Variants in BBS9 observed in about 807,000 individuals in gnomAD.
BBS9 encodes Bardet-Biedl syndrome 9, also known as protein PTHB1.
A neutral mutation model predicts 117.7 loss-of-function variants in BBS9; 89 were observed. The ratio of observed to expected loss-of-function variants is 0.76; its 90% confidence interval spans 0.64 to 0.90. The LOEUF (loss-of-function observed/expected upper bound fraction) is 0.90, where lower values mean the gene tolerates loss of function less well. BBS9 is among the 40% of genes least tolerant of loss of function. The pLI, the probability that BBS9 is intolerant of heterozygous loss-of-function variation, is 0.00. For synonymous variants in BBS9, 379 were observed against 370.9 expected, an observed-to-expected ratio of 1.02 and a Z score of -0.25; for missense variants, 982 against 1,042.2, an observed-to-expected ratio of 0.94 and a Z score of 0.80.
chr7:33,552,698 C>T (rs1041735793), intron 21 of BBS9, among the ~76,000 whole-genome samples: 3 of 152,162 alleles, frequency 2.0e-5, no homozygotes, highest in Non-Finnish European at 4.4e-5. Context: ...TTTGCTTAAG[C>T]TCCAATCTCA....
chr7:33,204,155 G>C (rs1299331558), intron 5 of BBS9, among the ~76,000 whole-genome samples: 1 of 17,280 alleles, frequency 5.8e-5, no homozygotes, highest in Non-Finnish European at 1.1e-4. Flanking sequence ...TGTAATCCCA[G>C]CACTTTGGGA....
At chr7:33,551,311 A>C (rs963059852) in intron 21 of BBS9, among the ~76,000 whole-genome samples, 5 of 152,198 alleles carry the variant, frequency 3.3e-5, no homozygotes, top group African/African-American at 4.8e-5. Flanking sequence ...CTGGGTTTCA[A>C]AGAAAAATAA....
chr7:33,183,697 C>T (rs1018039861), intron 5 of BBS9, among the ~76,000 whole-genome samples: 1 of 152,206 alleles, frequency 6.6e-6, no homozygotes, highest in African/African-American at 2.4e-5. Flanking sequence ...AGAGCTCTGA[C>T]ATAAACTCCA....
intron 17 of BBS9, among the ~76,000 whole-genome samples, chr7:33,377,291 G>A (rs1428310452): frequency 1.3e-5 from 2 of 151,476 alleles, no homozygotes; most frequent in Non-Finnish European, 3.0e-5. Flanking sequence ...AGCACCATTT[G>A]CGTGTTTTTG....
intron 16 of BBS9, among the ~76,000 whole-genome samples, chr7:33,364,973 C>T (rs1821390288): frequency 6.6e-6 from 1 of 151,806 alleles, no homozygotes. Context: ...AAATGATGTG[C>T]CTGCCTCGGC....
intron 1 of BBS9, among the ~76,000 whole-genome samples, chr7:33,136,917 A>G (rs1790568600): frequency 6.6e-6 from 1 of 152,150 alleles, no homozygotes. Context: ...ATTGTTTAGT[A>G]GAGTCCACCA....
At chr7:33,507,469 C>T (rs1846308856) in intron 20 of BBS9, among the ~76,000 whole-genome samples, 1 of 152,160 alleles carries the variant, frequency 6.6e-6, no homozygotes, top group African/African-American at 2.4e-5. Flanking sequence ...GTCTTGAACT[C>T]TTGACCTCAA....
chr7:33,611,734 A>T (rs1449428685), intron 21 of BBS9, among the ~76,000 whole-genome samples: 2 of 139,422 alleles, frequency 1.4e-5, no homozygotes, highest in Non-Finnish European at 3.1e-5. Context: ...ATATTAAAGG[A>T]TTATATTTAT....
chr7:33,403,380 A>T (rs1584677721), intron 19 of BBS9, among the ~76,000 whole-genome samples: 2 of 150,138 alleles, frequency 1.3e-5, no homozygotes, highest in East Asian at 2.0e-4. Context: ...TTAGTTACAT[A>T]TGTATACATG....
intron 9 of BBS9, among the ~76,000 whole-genome samples, chr7:33,292,246 G>T (rs1475784020): frequency 1.3e-5 from 2 of 150,790 alleles, no homozygotes; most frequent in African/African-American, 4.9e-5. Context: ...TTTTCCCCCT[G>T]AGACAAGGCC....
chr7:33,211,899 C>G (rs1207066204), intron 5 of BBS9, among the ~76,000 whole-genome samples: 1 of 23,736 alleles, frequency 4.2e-5, no homozygotes, highest in Non-Finnish European at 7.6e-5. Flanking sequence ...TTATGCTACT[C>G]TCTCCTGGCC....
intron 7 of BBS9, among the ~76,000 whole-genome samples, chr7:33,271,980 C>A (rs1799878559): frequency 6.6e-6 from 1 of 151,934 alleles, no homozygotes; most frequent in Non-Finnish European, 1.5e-5. Flanking sequence ...CTCAGCAATT[C>A]AAAAATGTCA....
At chr7:33,432,636 T>C (rs1834687913) in intron 19 of BBS9, among the ~76,000 whole-genome samples, 1 of 152,116 alleles carries the variant, frequency 6.6e-6, no homozygotes, top group Non-Finnish European at 1.5e-5. Flanking sequence ...ATTTAGCAGA[T>C]AAAAAATGCA....
chr7:33,317,702 A>G (rs940406829), intron 9 of BBS9, among the ~76,000 whole-genome samples: 4 of 152,200 alleles, frequency 2.6e-5, no homozygotes, highest in Non-Finnish European at 4.4e-5. Context: ...CTTCACATTG[A>G]AATCAGAAGA....
chr7:33,630,177 G>A (rs988617775), intron 21 of BBS9, among the ~76,000 whole-genome samples: 3 of 152,050 alleles, frequency 2.0e-5, no homozygotes, highest in Admixed American at 6.6e-5. Context: ...ACACAGAAAC[G>A]AGACATAAGC....
At chr7:33,440,353 T>C (rs1289010046) in intron 19 of BBS9, among the ~76,000 whole-genome samples, 1 of 152,262 alleles carries the variant, frequency 6.6e-6, no homozygotes, top group Non-Finnish European at 1.5e-5. Flanking sequence ...GTATATGTTC[T>C]TAGTTCAGCA....
At chr7:33,489,507 A>C (rs1031453902) in intron 19 of BBS9, among the ~76,000 whole-genome samples, 14 of 152,120 alleles carry the variant, frequency 9.2e-5, no homozygotes, top group African/African-American at 3.1e-4. Flanking sequence ...AATATTCTGC[A>C]TATCGGTAAA....
chr7:33,426,146 C>G (rs1168325619), intron 19 of BBS9, among the ~76,000 whole-genome samples: 1 of 151,958 alleles, frequency 6.6e-6, no homozygotes, highest in East Asian at 1.9e-4. Flanking sequence ...AGTCATGACC[C>G]GATGTTACTA....
In BBS9 at chr7:33,332,250, G is replaced by A. The variant is rs7798865; in HGVS notation, c.1017-4191G>A. ...AGCTGGGAAAACTGGCAAGCCACAT[G>A]TAGAAGAATAAAACTAGATTCTTAT... On this transcript the variant is annotated intron_variant, in intron 9 of 22. Transcript: ENST00000242067. 5.1e-3 allele frequency among the ~76,000 whole-genome samples: 776 copies of A among 152,238 alleles called. 10 individuals carry two copies. Among genetic ancestry groups the A allele is most frequent in the African/African-American group, 0.018 (733 of 41,538 alleles).
Sources: allele counts gnomAD v4.1 joint callset (sites outside exome capture counted in the v4.1 genomes callset), GRCh38; gene constraint gnomAD v4.1.1; transcripts MANE v1.5; gene names NCBI Gene and HGNC (gene_info 2026-07-23, HGNC 2026-07-21).